PRR14L: variants seen among roughly 807,000 people sequenced by gnomAD.
PRR14L encodes proline rich 14 like, also known as protein PRR14L.
In PRR14L, 80 loss-of-function variants were observed where a neutral mutation model predicts 155.0. That is an observed-to-expected ratio of 0.52 (90% CI 0.43 to 0.62). The LOEUF (loss-of-function observed/expected upper bound fraction) is 0.62, where lower values mean the gene tolerates loss of function less well. PRR14L is among the 20% of genes least tolerant of loss of function. The pLI is 0.00. For missense variants in PRR14L, 2,469 were observed against 2,548.0 expected (o/e 0.97, Z 0.67); for synonymous variants, 883 against 916.0 (o/e 0.96, Z 0.65).
Position 31,713,889 on chromosome 22 carries a change from T to C in PRR14L, c.3950A>G (p.Asn1317Ser). 1 of 1,552,100 alleles carries C rather than the reference T, an allele frequency of 6.4e-7. No homozygotes were observed. Among genetic ancestry groups the C allele is most frequent in the South Asian group, 1.2e-5 (1 of 84,058 alleles). Reference sequence around the variant, plus strand: ...CAAAGGCAAATGTCTGTCAGAGGAATTCTCGTGAGGGTGACAAGCTTTGCA... The same window carrying C: ...CAAAGGCAAATGTCTGTCAGAGGAACTCTCGTGAGGGTGACAAGCTTTGCA... ...NACKACHPHE[N>S]SSDRHLPLTV... Residue 1317 changes from asparagine (N) to serine (S), a missense_variant, in exon 4 of 9, where the codon AAT becomes AGT. This residue lies in a region of PRR14L where 2,363 missense variants were observed against 2,371.6 expected (regional missense o/e 1.00). Transcript: ENST00000327423.
At chr22:31,737,395 C>G (rs1176704434) in intron 2 of PRR14L, among the ~76,000 whole-genome samples, 3 of 151,630 alleles carry the variant, frequency 2.0e-5, no homozygotes, top group Non-Finnish European at 4.4e-5. Flanking sequence ...GCAGGAGAAT[C>G]GCTTGAACCT....
rs770907499 is a variant in PRR14L, at chr22:31,746,795, CTT to C, written c.-52+3196_-52+3197del. ...ACGCACAAATACTTCTCCCAGCAGT[CTT>C]TTTTTTTTTTTTTTTTTGAGACGGA... is the stretch of plus-strand genomic sequence containing the variant. On this transcript the variant is annotated intron_variant, in intron 1 of 8. Transcript: ENST00000327423. Among the ~76,000 whole-genome samples the C allele has an allele frequency of 6.1e-3, 794 of 131,222 alleles. 5 individuals carry two copies. Among genetic ancestry groups the C allele is most frequent in the African/African-American group, 0.021 (728 of 35,364 alleles). The allele number at this position is 131,222 out of a possible 152,430, so 86.1% of individuals were successfully genotyped here.
At position 31,712,611 on chromosome 22, in the gene PRR14L, G is replaced by T. The variant is rs748058999; in HGVS notation, c.5228C>A (p.Ala1743Asp). The change falls in exon 4 of 9, where the codon GCT becomes GAT. Residue 1743 changes from alanine (A) to aspartate (D), a missense_variant. Transcript: ENST00000327423. ...CTCTCCTAAGGCAAGCCTTGCCGGAGCACAGTGCTCAGGAAAAGTCCTTGA... is the reference window on the plus strand; with the variant it reads ...CTCTCCTAAGGCAAGCCTTGCCGGATCACAGTGCTCAGGAAAAGTCCTTGA... ...ESSRTFPEHC[A>D]PARLALGEAL... The T allele has an allele frequency of 4.5e-6, 7 of 1,551,628 alleles. No individual in the cohort carries two copies. The highest frequency in any genetic ancestry group is 6.1e-6 in the Non-Finnish European group (7 of 1,147,012).
intron 7 of PRR14L, 92 bp from the exon 8 acceptor site, chr22:31,688,319 G>A: frequency 1.4e-6 from 2 of 1,387,284 alleles, no homozygotes; most frequent in Non-Finnish European, 1.9e-6. Context: ...CTGAAGGGCA[G>A]TGACATGATC....
chr22:31,685,654 C>T lies in PRR14L; in HGVS notation c.6329G>A (p.Ser2110Asn). The T allele has an allele frequency of 6.4e-7, 1 of 1,551,844 alleles. No individual in the cohort carries two copies. Among genetic ancestry groups the T allele is most frequent in the African/African-American group, 1.4e-5 (1 of 73,168 alleles). Residue 2110 changes from serine to asparagine, a missense_variant, in exon 9 of 9, where the codon AGC (serine) becomes AAC (asparagine). This residue lies in a region of PRR14L where 106 missense variants were observed against 176.4 expected (regional missense o/e 0.60). Transcript: ENST00000327423. ...RARGKVKVAG[S>N]FTRAQKAAVQ... ...AGCTGCCTTCTGGGCCCTGGTAAAG[C>T]TGCCTGCCACCTTGACTTTGCCTCG...
At chr22:31,695,422 T>C (rs1225269873) in intron 7 of PRR14L, among the ~76,000 whole-genome samples, 3 of 152,142 alleles carry the variant, frequency 2.0e-5, no homozygotes, top group African/African-American at 7.2e-5. Flanking sequence ...GTGATTAATA[T>C]ATGTTGGGGT....
At chr22:31,719,354 A>G (rs557716457) in intron 3 of PRR14L, among the ~76,000 whole-genome samples, 1 of 152,150 alleles carries the variant, frequency 6.6e-6, no homozygotes, top group Admixed American at 6.5e-5. Context: ...CAAGGCTGCA[A>G]TAAGCTGTGA....
chr22:31,724,587 G>T (rs2074707275), intron 3 of PRR14L, among the ~76,000 whole-genome samples: 1 of 152,056 alleles, frequency 6.6e-6, no homozygotes, highest in Non-Finnish European at 1.5e-5. Flanking sequence ...TTGTAGAGAA[G>T]GGGTTTCGCC....
intron 4 of PRR14L, 127 bp downstream of exon 4, chr22:31,711,956 G>T: frequency 1.2e-6 from 1 of 864,176 alleles, no homozygotes; most frequent in Non-Finnish European, 1.8e-6. Flanking sequence ...GATTTCGCAA[G>T]GTAAATAGAA....
chr22:31,738,437 C>T lies in PRR14L; in HGVS notation c.424G>A (p.Asp142Asn). 1 of 1,552,360 alleles carries T rather than the reference C, an allele frequency of 6.4e-7. No individual in the cohort carries two copies. Among genetic ancestry groups the T allele is most frequent in the Non-Finnish European group, 8.7e-7 (1 of 1,147,140 alleles). Residue 142 changes from aspartate to asparagine, a missense_variant, in exon 2 of 9, where the codon GAT becomes AAT. By Grantham distance (23) the Asp-to-Asn change is conservative (BLOSUM62 1). Transcript: ENST00000327423. ...GCAGCTGTGGAATGTTGATGTGGAT[C>T]TTCCTTTGCTCCCTCAGAGGGTTCT... ...IREPSEGAKE[D>N]PHQHSTAAEE... is the part of the protein sequence containing the mutation.
At position 31,715,604 on chromosome 22, in the gene PRR14L, T is replaced by C. The variant is rs2074653139; in HGVS notation, c.2235A>G (p.Glu745=). 1 of 1,551,938 alleles carries C rather than the reference T, an allele frequency of 6.4e-7. No homozygotes were observed. Among genetic ancestry groups the C allele is most frequent in the African/African-American group, 1.4e-5 (1 of 73,070 alleles). Residue 745 remains glutamate, a synonymous_variant, in exon 4 of 9, where the codon GAA becomes GAG. Transcript: ENST00000327423. ...IKPVSLERKK[E]MADSGTKALH... The stretch of plus-strand genomic sequence containing the variant: ...GAGCTTTTGTTCCTGAATCAGCCAT[T>C]TCCTTTTTTCTCTCTAGGCTTACTG...
At chr22:31,689,573 G>GA (rs1556449636) in intron 7 of PRR14L, among the ~76,000 whole-genome samples, 2 of 151,022 alleles carry the variant, frequency 1.3e-5, no homozygotes, top group African/African-American at 4.9e-5. Context: ...ATCAAGACCA[G>GA]TTTTTTTTTG....
At chr22:31,736,608 C>G (rs1477953811) in intron 2 of PRR14L, among the ~76,000 whole-genome samples, 1 of 152,120 alleles carries the variant, frequency 6.6e-6, no homozygotes, top group Non-Finnish European at 1.5e-5. Context: ...GGGTCTAGAG[C>G]AGGGGTTGGC....
Position 31,744,081 on chromosome 22 carries a change from G to A in PRR14L, c.-51-5170C>T, listed in dbSNP as rs550223895. On this transcript the variant is annotated intron_variant, in intron 1 of 8. Coordinates refer to ENST00000327423, the MANE Select transcript of PRR14L (RefSeq NM_173566.3). Reference sequence around the variant, plus strand: ...CGCCCAGGCTGGAGTGTGGTGGTGCGATCATAGCTCACTATAACCTTGAAC... The same window carrying A: ...CGCCCAGGCTGGAGTGTGGTGGTGCAATCATAGCTCACTATAACCTTGAAC... Among the ~76,000 whole-genome samples, 77 of 147,014 alleles carry A rather than the reference G, an allele frequency of 5.2e-4. 1 individual carries two copies. The highest frequency in any genetic ancestry group is 1.3e-3 in the Admixed American group (19 of 14,524).
At chr22:31,696,918 C>T (rs536423848) in intron 7 of PRR14L, among the ~76,000 whole-genome samples, 2 of 152,022 alleles carry the variant, frequency 1.3e-5, no homozygotes, top group African/African-American at 2.4e-5. Context: ...AGTTTGAGAC[C>T]AGCTTGGCCA....
At chr22:31,699,955 T>G (rs1202600566) in intron 7 of PRR14L, among the ~76,000 whole-genome samples, 1 of 152,056 alleles carries the variant, frequency 6.6e-6, no homozygotes, top group Non-Finnish European at 1.5e-5. Context: ...TTATTAAAAA[T>G]TTTATTTTTC....
rs1295480581 is a variant in PRR14L, at chr22:31,715,349, G to T, written c.2490C>A (p.His830Gln). Reference protein sequence around the residue: ...LITKYENAFQHRDHCCQGTGH... With the variant: ...LITKYENAFQQRDHCCQGTGH... The stretch of plus-strand genomic sequence containing the variant: ...CTGTTCCTTGGCAGCAGTGATCACG[G>T]TGCTGAAATGCATTTTCATATTTTG... Residue 830 changes from histidine to glutamine, a missense_variant, in exon 4 of 9, where the codon CAC becomes CAA. His to Gln is a conservative substitution (Grantham distance 24). Coordinates refer to ENST00000327423, the MANE Select transcript of PRR14L (RefSeq NM_173566.3). The T allele has an allele frequency of 1.9e-6, 3 of 1,552,046 alleles. No individual in the cohort carries two copies. The Admixed American group carries it at 5.9e-5, about 30-fold the overall frequency.
At chr22:31,741,915 C>A (rs1388676358) in intron 1 of PRR14L, among the ~76,000 whole-genome samples, 1 of 152,150 alleles carries the variant, frequency 6.6e-6, no homozygotes, top group Non-Finnish European at 1.5e-5. Flanking sequence ...GATCTAGAAT[C>A]TTCCCCTTTC....
chr22:31,687,903 C>T (rs867322563), intron 8 of PRR14L, among the ~76,000 whole-genome samples: 18 of 151,442 alleles, frequency 1.2e-4, no homozygotes, highest in Middle Eastern at 3.4e-3. Context: ...TGGTGGCGGG[C>T]GCCTGTAGTC....
Sources: gnomAD v4.1 joint callset for allele counts (sites outside exome capture counted in the v4.1 genomes callset) on GRCh38, gnomAD v4.1.1 for gene constraint, gnomAD v4.1.1 regional missense constraint, MANE v1.5 for transcripts, NCBI Gene and HGNC (gene_info 2026-07-23, HGNC 2026-07-21) for gene names.